Variants in GALNTL6 observed in about 807,000 individuals in gnomAD.
GALNTL6 encodes polypeptide N-acetylgalactosaminyltransferase-like 6.
In GALNTL6, 46 loss-of-function variants were observed where a neutral mutation model predicts 73.7. The ratio of observed to expected loss-of-function variants is 0.62; its 90% confidence interval spans 0.49 to 0.80. The LOEUF is 0.80. GALNTL6 is among the 30% of genes least tolerant of loss of function. GALNTL6 has a pLI of 0.00. For missense variants in GALNTL6, 604 were observed against 755.0 expected, an observed-to-expected ratio of 0.80 and a Z score of 2.34; for synonymous variants, 259 against 263.7, an observed-to-expected ratio of 0.98 and a Z score of 0.17.
chr4:171,970,755 A>G (rs1739544692), intron 2 of GALNTL6, among the ~76,000 whole-genome samples: 1 of 152,224 alleles, frequency 6.6e-6, no homozygotes, highest in Admixed American at 6.5e-5. Flanking sequence ...GCAAAATAAG[A>G]TTTTAATTGC....
At chr4:171,872,088 A>G (rs778053463) in intron 2 of GALNTL6, among the ~76,000 whole-genome samples, 6 of 152,062 alleles carry the variant, frequency 3.9e-5, no homozygotes, top group Non-Finnish European at 8.8e-5. Flanking sequence ...ACTTTGTTAG[A>G]TATACTTTGC....
chr4:173,016,653 C>T (rs146204460), intron 11 of GALNTL6, among the ~76,000 whole-genome samples: 1,543 of 152,304 alleles, frequency 0.01, 10 homozygotes, highest in South Asian at 0.026. Context: ...GAATAACCAA[C>T]TTGCATTTGA....
At chr4:171,907,283 C>T (rs1252598079) in intron 2 of GALNTL6, among the ~76,000 whole-genome samples, 1 of 152,286 alleles carries the variant, frequency 6.6e-6, no homozygotes, top group Non-Finnish European at 1.5e-5. Context: ...AGCTGATAAG[C>T]AACTTCAGCA....
chr4:171,993,669 CG>C (rs1211132983), intron 2 of GALNTL6, among the ~76,000 whole-genome samples: 1 of 151,770 alleles, frequency 6.6e-6, no homozygotes, highest in Non-Finnish European at 1.5e-5. Flanking sequence ...GAGATGCACA[CG>C]TGAGTATGGT....
chr4:172,655,513 T>C (rs935999833), intron 5 of GALNTL6, among the ~76,000 whole-genome samples: 1 of 152,172 alleles, frequency 6.6e-6, no homozygotes, highest in Non-Finnish European at 1.5e-5. Context: ...ATTTTATAGA[T>C]GAGGCTTAGA....
At chr4:172,329,163 AC>A (rs556669676) in intron 4 of GALNTL6, among the ~76,000 whole-genome samples, 183 of 152,214 alleles carry the variant, frequency 1.2e-3, no homozygotes, top group Non-Finnish European at 1.7e-3. Context: ...CAGCCTCTGG[AC>A]CCTGTCGATT....
chr4:172,837,839 A>G (rs1742993966), intron 7 of GALNTL6, among the ~76,000 whole-genome samples: 1 of 152,218 alleles, frequency 6.6e-6, no homozygotes, highest in Admixed American at 6.5e-5. Context: ...AACTACCTTC[A>G]TGGGGTTTAC....
At chr4:172,480,557 T>C (rs887692533) in intron 5 of GALNTL6, among the ~76,000 whole-genome samples, 1 of 152,188 alleles carries the variant, frequency 6.6e-6, no homozygotes, top group Non-Finnish European at 1.5e-5. Context: ...ATGAGTGAAA[T>C]AGAAACCTCA....
intron 2 of GALNTL6, among the ~76,000 whole-genome samples, chr4:171,963,692 C>T (rs1002071713): frequency 1.3e-5 from 2 of 152,260 alleles, no homozygotes; most frequent in East Asian, 1.9e-4. Flanking sequence ...CTGGTTTCAT[C>T]TTGATAACCC....
At chr4:171,912,823 C>G (rs1737514192) in intron 2 of GALNTL6, among the ~76,000 whole-genome samples, 1 of 152,098 alleles carries the variant, frequency 6.6e-6, no homozygotes, top group South Asian at 2.1e-4. Context: ...GCCAGGCTTC[C>G]TTCACTTAAC....
chr4:171,861,324 G>A (rs1298209280), intron 2 of GALNTL6, among the ~76,000 whole-genome samples: 5 of 152,078 alleles, frequency 3.3e-5, no homozygotes, highest in Non-Finnish European at 5.9e-5. Context: ...TTTACTACAG[G>A]AAGGCCAGTC....
At chr4:172,449,576 T>A (rs1355405959) in intron 5 of GALNTL6, among the ~76,000 whole-genome samples, 1 of 152,222 alleles carries the variant, frequency 6.6e-6, no homozygotes, top group African/African-American at 2.4e-5. Context: ...CAGAAATATT[T>A]TCTTCTCCAG....
At chr4:172,702,540 A>G (rs535278476) in intron 5 of GALNTL6, among the ~76,000 whole-genome samples, 7 of 152,036 alleles carry the variant, frequency 4.6e-5, no homozygotes, top group African/African-American at 9.6e-5. Flanking sequence ...TTAATATCCA[A>G]TGTGACAGTG....
chr4:173,008,941 T>C (rs2126491985), intron 10 of GALNTL6, among the ~76,000 whole-genome samples: 1 of 152,348 alleles, frequency 6.6e-6, no homozygotes, highest in East Asian at 1.9e-4. Flanking sequence ...CTGATTAATA[T>C]TGAATTATAA....
chr4:172,495,001 G>A (rs1734022712), intron 5 of GALNTL6, among the ~76,000 whole-genome samples: 1 of 152,128 alleles, frequency 6.6e-6, no homozygotes, highest in Non-Finnish European at 1.5e-5. Context: ...CACCCTCACT[G>A]AACACCTCAT....
chr4:172,238,541 G>A (rs1737316790), intron 3 of GALNTL6, among the ~76,000 whole-genome samples: 1 of 150,754 alleles, frequency 6.6e-6, no homozygotes, highest in African/African-American at 2.4e-5. Context: ...TATATTGACT[G>A]CAAAGAGGAA....
At chr4:172,204,867 C>T (rs190936274) in intron 2 of GALNTL6, among the ~76,000 whole-genome samples, 1 of 152,224 alleles carries the variant, frequency 6.6e-6, no homozygotes. Context: ...TTAAAGAAGA[C>T]ATGAACTAAA....
intron 2 of GALNTL6, among the ~76,000 whole-genome samples, chr4:172,177,834 CAT>C (rs1218933794): frequency 2.6e-4 from 18 of 68,464 alleles, no homozygotes; most frequent in African/African-American, 8.1e-4. Context: ...TATACACACA[CAT>C]ATATATGTGT....
intron 2 of GALNTL6, among the ~76,000 whole-genome samples, chr4:171,957,036 A>G (rs1485903865): frequency 1.3e-5 from 2 of 152,206 alleles, no homozygotes; most frequent in Admixed American, 1.3e-4. Context: ...AGGTCTTGCC[A>G]CATGATGGCC....
Sources: gnomAD v4.1 joint callset for allele counts (sites outside exome capture counted in the v4.1 genomes callset) on GRCh38, gnomAD v4.1.1 for gene constraint, MANE v1.5 for transcripts, NCBI Gene and HGNC (gene_info 2026-07-23, HGNC 2026-07-21) for gene names.